Variants in MROH7 observed in about 807,000 individuals in gnomAD.
MROH7 encodes maestro heat-like repeat-containing protein family member 7.
A neutral mutation model predicts 129.2 loss-of-function variants in MROH7; 113 were observed. That is an observed-to-expected ratio of 0.87 (90% CI 0.75 to 1.02). The LOEUF is 1.02. Ranked by LOEUF, MROH7 falls within the 50% of genes least tolerant of loss-of-function variation. The probability of loss-of-function intolerance (pLI) is 0.00; values close to 1 mark genes in which losing one functional copy is unlikely to be tolerated. For synonymous variants in MROH7, 655 were observed against 667.9 expected (o/e 0.98, Z 0.30); for missense variants, 1,601 against 1,671.3 (o/e 0.96, Z 0.73).
At chr1:54,702,803 CTG>C (rs771774790) in intron 21 of MROH7, 58 bp downstream of exon 21, 36 of 1,535,188 alleles carry the variant, frequency 2.3e-5, no homozygotes, top group Non-Finnish European at 3.0e-5. Flanking sequence ...GTGGCGAATT[CTG>C]TGTCTCTCTC....
At chr1:54,670,659 CTCCCCCA>C in intron 6 of MROH7, 83 bp downstream of exon 6, 23 of 1,337,290 alleles carry the variant, frequency 1.7e-5, no homozygotes, top group Non-Finnish European at 2.3e-5. Flanking sequence ...TCGCTGTACC[CTCCCCCA>C]ACCCGCCCCC....
chr1:54,679,722 A>G (rs1293835525), intron 12 of MROH7, among the ~76,000 whole-genome samples, 169 bp from the exon 13 acceptor site: 2 of 151,870 alleles, frequency 1.3e-5, no homozygotes, highest in Admixed American at 6.6e-5. Flanking sequence ...AAACTGGCTC[A>G]CTCCCAGGGA....
At chr1:54,677,120 C>T (rs111833683) in intron 10 of MROH7, among the ~76,000 whole-genome samples, 297 of 151,462 alleles carry the variant, frequency 2.0e-3, no homozygotes, top group Middle Eastern at 0.01. Flanking sequence ...GATTACAGGC[C>T]GGGTGCGGTG....
At chr1:54,690,261 G>T (rs1010060133) in intron 15 of MROH7, among the ~76,000 whole-genome samples, 1 of 151,910 alleles carries the variant, frequency 6.6e-6, no homozygotes, top group South Asian at 2.1e-4. Context: ...CTTTGGGAGT[G>T]GGGTGAGAAG....
At chr1:54,662,687 T>C (rs1170600218) in intron 3 of MROH7, among the ~76,000 whole-genome samples, 1 of 152,152 alleles carries the variant, frequency 6.6e-6, no homozygotes, top group African/African-American at 2.4e-5. Flanking sequence ...ATCGAGTAAT[T>C]AATACTGATA....
At chr1:54,664,661 A>T (rs2101092275) in intron 3 of MROH7, among the ~76,000 whole-genome samples, 1 of 152,332 alleles carries the variant, frequency 6.6e-6, no homozygotes, top group South Asian at 2.1e-4. Flanking sequence ...TGCTCAATGA[A>T]ATGCAGTGTC....
At chr1:54,678,710 C>A (rs772366418) in intron 10 of MROH7, 32 bp from the exon 11 acceptor site, 2 of 1,497,252 alleles carry the variant, frequency 1.3e-6, no homozygotes, top group South Asian at 1.1e-5. Flanking sequence ...ATAGGGAGAT[C>A]CGGCCTCACT....
chr1:54,689,194 G>T (rs1394701328), intron 15 of MROH7, among the ~76,000 whole-genome samples: 1 of 152,168 alleles, frequency 6.6e-6, no homozygotes, highest in Non-Finnish European at 1.5e-5. Context: ...CCAGTGCCAA[G>T]GGGCCTTATA....
chr1:54,698,212 CT>C (rs1645353455), intron 17 of MROH7: 1 of 159,148 alleles, frequency 6.3e-6, no homozygotes, highest in South Asian at 1.9e-4. Context: ...GTCACTTAAC[CT>C]GCCTGTGCCT....
In MROH7 at chr1:54,654,129, C is replaced by G. The variant is rs202239855; in HGVS notation, c.1203C>G (p.Asp401Glu). The change falls in exon 3 of 24, where the codon GAC (aspartate) becomes GAG (glutamate). Residue 401 changes from aspartate to glutamate, a missense_variant. By Grantham distance (45) the Asp-to-Glu change is conservative (BLOSUM62 2). Transcript: ENST00000421030. Reference protein sequence around the residue: ...GFPISNPAGKDAVTLQGIPEG... With the variant: ...GFPISNPAGKEAVTLQGIPEG... ...CCATCTCCAACCCCGCAGGCAAGGA[C>G]GCCGTGACCTTGCAAGGCATCCCTG... The G allele has an allele frequency of 6.0e-5, 96 of 1,612,536 alleles. No homozygotes were observed. The East Asian group carries it at 1.5e-3, about 25-fold the overall frequency.
intron 10 of MROH7, among the ~76,000 whole-genome samples, chr1:54,674,496 C>T (rs184541521): frequency 6.6e-6 from 1 of 152,254 alleles, no homozygotes; most frequent in Admixed American, 6.5e-5. Flanking sequence ...CCACTAGAGA[C>T]TATAATCCTA....
intron 13 of MROH7, among the ~76,000 whole-genome samples, chr1:54,682,111 G>GTAAAACA (rs1474200180): frequency 1.3e-5 from 2 of 151,600 alleles, no homozygotes; most frequent in Non-Finnish European, 2.9e-5. Context: ...CATGTAAAAC[G>GTAAAACA]TAAAACATTT....
At chr1:54,702,368 G>T in intron 20 of MROH7, 123 bp downstream of exon 20, 1 of 947,820 alleles carries the variant, frequency 1.1e-6, no homozygotes. Context: ...GTCCAGCCAT[G>T]TCTGTTTTCT....
intron 9 of MROH7, 51 bp from the exon 10 acceptor site, chr1:54,673,965 T>C: frequency 1.3e-6 from 2 of 1,597,172 alleles, no homozygotes; most frequent in African/African-American, 1.3e-5. Flanking sequence ...ATTTAATGTA[T>C]AGCATTATTG....
intron 1 of MROH7, among the ~76,000 whole-genome samples, chr1:54,648,190 A>G (rs1644498498): frequency 1.3e-5 from 2 of 151,732 alleles, no homozygotes; most frequent in Admixed American, 1.3e-4. Flanking sequence ...TGCTGAAGAC[A>G]CTATTCTTTC....
chr1:54,659,506 G>A (rs1644699857), intron 3 of MROH7, among the ~76,000 whole-genome samples: 1 of 149,722 alleles, frequency 6.7e-6, no homozygotes, highest in Non-Finnish European at 1.5e-5. Context: ...CCAGGCTGGA[G>A]TGCAATGGCA....
chr1:54,678,796 A>T lies in MROH7; in HGVS notation c.1991A>T (p.His664Leu). ...NKKELYESNK[H>L]FLGPYNPVSP... ...AAGGAGCTATATGAGAGCAACAAGC[A>T]TTTCCTGGGGCCCTACAACCCTGTG... The change falls in exon 11 of 24, where the codon CAT (histidine) becomes CTT (leucine). Residue 664 changes from histidine (H) to leucine (L), a missense_variant. Physicochemically the swap from His to Leu is moderately conservative, Grantham distance 99. Transcript: ENST00000421030. 6.2e-7 allele frequency: 1 copy of T among 1,614,090 alleles called. No homozygotes were observed. Among genetic ancestry groups the T allele is most frequent in the Non-Finnish European group, 8.5e-7 (1 of 1,180,008 alleles).
At chr1:54,684,493 C>A (rs567518521) in intron 14 of MROH7, among the ~76,000 whole-genome samples, 25 of 152,260 alleles carry the variant, frequency 1.6e-4, no homozygotes, top group Non-Finnish European at 3.2e-4. Context: ...CTCATTTGTG[C>A]TTCTTGTCCA....
At position 54,700,338 on chromosome 1, in the gene MROH7, G is replaced by A. The variant is rs935465464; in HGVS notation, c.2982G>A (p.Gln994=). 6.2e-7 allele frequency: 1 copy of A among 1,614,028 alleles called. No individual in the cohort carries two copies. The highest frequency in any genetic ancestry group is 1.3e-5 in the African/African-American group (1 of 74,936). Residue 994 remains glutamine (Q), a synonymous_variant, in exon 18 of 24, where the codon CAG becomes CAA. Coordinates refer to ENST00000421030, the MANE Select transcript of MROH7 (RefSeq NM_001039464.4). ...AFFVELLQME[Q]VRRIPEEYSL... is the part of the protein sequence containing the mutation. ...TCCCTCAGCTCCTCCAGATGGAGCAGGTGCGCCGGATCCCCGAGGAATACT... is the reference window on the plus strand; with the variant it reads ...TCCCTCAGCTCCTCCAGATGGAGCAAGTGCGCCGGATCCCCGAGGAATACT...
Sources: gnomAD v4.1 joint callset for allele counts (sites outside exome capture counted in the v4.1 genomes callset) on GRCh38, gnomAD v4.1.1 for gene constraint, MANE v1.5 for transcripts, NCBI Gene and HGNC (gene_info 2026-07-23, HGNC 2026-07-21) for gene names.